The following ME3 variants were observed in gnomAD, a reference collection of about 807,000 sequenced individuals.
ME3 encodes the protein NADP-dependent malic enzyme, mitochondrial.
A neutral mutation model predicts 68.9 loss-of-function variants in ME3; 48 were observed. The ratio of observed to expected loss-of-function variants is 0.70; its 90% CI spans 0.55 to 0.89. ME3 has a LOEUF of 0.89. Among genes scored for constraint, ME3 ranks in the 40% least tolerant of loss-of-function variants. The pLI is 0.00. For synonymous variants in ME3, 320 were observed against 318.8 expected (o/e 1.00, Z -0.04); for missense variants, 675 against 797.4 (o/e 0.85, Z 1.85).
chr11:86,525,450 A>G (rs1954659628), intron 4 of ME3, among the ~76,000 whole-genome samples: 1 of 152,108 alleles, frequency 6.6e-6, no homozygotes, highest in Non-Finnish European at 1.5e-5. Flanking sequence ...ACTTATCAAT[A>G]ATTACTTTGA....
intron 8 of ME3, among the ~76,000 whole-genome samples, chr11:86,463,525 G>A (rs1043609653): frequency 2.6e-5 from 4 of 152,240 alleles, no homozygotes; most frequent in African/African-American, 4.8e-5. Context: ...GGTGAGGCCT[G>A]TCCCAGGCCT....
At chr11:86,604,128 CAATA>C (rs1433849837) in intron 2 of ME3, among the ~76,000 whole-genome samples, 4 of 150,886 alleles carry the variant, frequency 2.7e-5, no homozygotes, top group Non-Finnish European at 5.9e-5. Context: ...AAAAAGTTGT[CAATA>C]GATAGGAGTG....
At chr11:86,495,416 C>T (rs756812883) in intron 6 of ME3, among the ~76,000 whole-genome samples, 1 of 152,198 alleles carries the variant, frequency 6.6e-6, no homozygotes. Context: ...GATCCCAATG[C>T]ACCAGGGCAG....
chr11:86,463,782 A>G (rs1227917163), intron 8 of ME3, among the ~76,000 whole-genome samples: 3 of 152,246 alleles, frequency 2.0e-5, no homozygotes, highest in South Asian at 2.1e-4. Flanking sequence ...ATAATGGGGA[A>G]AAAAGGGCAA....
exon 12 of ME3, chr11:86,447,135 A>T (rs1197735598): frequency 6.2e-7 from 1 of 1,614,148 alleles, no homozygotes. Context: ...GGCAAAGATG[A>T]TAGGGCGCTC....
intron 4 of ME3, among the ~76,000 whole-genome samples, chr11:86,527,957 A>G (rs1954895508): frequency 6.6e-6 from 1 of 152,226 alleles, no homozygotes; most frequent in African/African-American, 2.4e-5. Context: ...CTAACAAGCA[A>G]ACTAACCAGC....
chr11:86,493,938 A>T (rs960716206), intron 6 of ME3, among the ~76,000 whole-genome samples: 1 of 152,138 alleles, frequency 6.6e-6, no homozygotes, highest in Non-Finnish European at 1.5e-5. Context: ...CTGCACGGAC[A>T]TGTGAGATAA....
intron 2 of ME3, among the ~76,000 whole-genome samples, chr11:86,637,634 C>T (rs1353061535): frequency 6.6e-6 from 1 of 151,976 alleles, no homozygotes; most frequent in Admixed American, 6.6e-5. Flanking sequence ...ATTGAGACAC[C>T]CCTCGAGAAG....
At chr11:86,650,158 T>A (rs1362491721) in intron 2 of ME3, among the ~76,000 whole-genome samples, 1 of 152,110 alleles carries the variant, frequency 6.6e-6, no homozygotes, top group Non-Finnish European at 1.5e-5. Context: ...ATACCACATA[T>A]CTACAACCAT....
At chr11:86,530,849 G>C (rs964300407) in intron 4 of ME3, among the ~76,000 whole-genome samples, 13 of 152,006 alleles carry the variant, frequency 8.6e-5, no homozygotes, top group South Asian at 8.4e-4. Context: ...AAAATTAATT[G>C]AAGATGGATT....
chr11:86,567,329 T>A (rs1410876402), intron 2 of ME3, among the ~76,000 whole-genome samples: 2 of 152,150 alleles, frequency 1.3e-5, no homozygotes, highest in Non-Finnish European at 2.9e-5. Flanking sequence ...CCCAATTTCC[T>A]CTTTATTTTG....
chr11:86,600,239 A>T (rs930890064), intron 2 of ME3, among the ~76,000 whole-genome samples: 6 of 152,188 alleles, frequency 3.9e-5, no homozygotes, highest in African/African-American at 1.4e-4. Context: ...ATAGGCTCAA[A>T]ATAAAAGGAT....
chr11:86,528,726 G>A (rs1954969487), intron 4 of ME3, among the ~76,000 whole-genome samples: 1 of 151,532 alleles, frequency 6.6e-6, no homozygotes, highest in African/African-American at 2.4e-5. Flanking sequence ...TCAACTACAT[G>A]GAAACTGAAC....
chr11:86,509,192 C>T (rs1481665982), intron 4 of ME3, among the ~76,000 whole-genome samples: 2 of 152,174 alleles, frequency 1.3e-5, no homozygotes, highest in South Asian at 4.2e-4. Flanking sequence ...AAGGCTGATT[C>T]CAGGGACTGT....
chr11:86,662,327 T>A (rs603241), intron 2 of ME3, among the ~76,000 whole-genome samples: 46,351 of 152,098 alleles, frequency 0.3, 7,117 homozygotes, highest in East Asian at 0.36. Context: ...ATCTGTCATA[T>A]AAGAACAATA....
intron 8 of ME3, among the ~76,000 whole-genome samples, chr11:86,454,403 C>G (rs935688612): frequency 3.3e-5 from 5 of 152,184 alleles, no homozygotes; most frequent in African/African-American, 1.2e-4. Flanking sequence ...ACCTACACAT[C>G]TAACAAAGGA....
chr11:86,454,191 A>T (rs183490117), intron 8 of ME3, among the ~76,000 whole-genome samples: 4 of 152,368 alleles, frequency 2.6e-5, no homozygotes, highest in Admixed American at 1.3e-4. Context: ...AATGAAAAGT[A>T]AAATGTTCCA....
At chr11:86,535,195 GCTCCTTACTACTTCTTAC>G (rs1565916607) in intron 4 of ME3, among the ~76,000 whole-genome samples, 1 of 152,066 alleles carries the variant, frequency 6.6e-6, no homozygotes, top group African/African-American at 2.4e-5. Context: ...AATTTTCTCT[GCTCCTTACTACTTCTTAC>G]CTCCACTCCC....
intron 7 of ME3, among the ~76,000 whole-genome samples, chr11:86,481,779 C>T (rs1029316588): frequency 6.6e-6 from 1 of 152,178 alleles, no homozygotes; most frequent in Non-Finnish European, 1.5e-5. Flanking sequence ...GCAGGATCAG[C>T]TGGCATGAGT....
Sources: gnomAD v4.1 joint callset for allele counts (sites outside exome capture counted in the v4.1 genomes callset) on GRCh38, gnomAD v4.1.1 for gene constraint, MANE v1.5 for transcripts, NCBI Gene and HGNC (gene_info 2026-07-23, HGNC 2026-07-21) for gene names.